The following WDR47 variants were observed in gnomAD, a reference collection of about 807,000 sequenced individuals.
The protein encoded by WDR47 is WD repeat-containing protein 47.
In WDR47, 32 loss-of-function variants were observed where a neutral mutation model predicts 97.2. The observed-to-expected ratio is 0.33, with a 90% confidence interval of 0.25 to 0.44. The LOEUF (loss-of-function observed/expected upper bound fraction) is 0.44. Among genes scored for constraint, WDR47 ranks in the 20% least tolerant of loss-of-function variants. The probability of loss-of-function intolerance (pLI) is 1.00; values close to 1 mark genes in which losing one functional copy is unlikely to be tolerated. For synonymous variants in WDR47, 375 were observed against 373.5 expected (o/e 1.00, Z -0.05); for missense variants, 782 against 1,102.3 (o/e 0.71, Z 4.11).
chr1:108,984,249 G>C (rs1294664210), intron 10 of WDR47, among the ~76,000 whole-genome samples: 1 of 151,974 alleles, frequency 6.6e-6, no homozygotes, highest in African/African-American at 2.4e-5. Context: ...GGCTTAGTGG[G>C]GTAACAGCAT....
At chr1:108,992,990 A>G (rs1199105944) in intron 8 of WDR47, among the ~76,000 whole-genome samples, 1 of 152,168 alleles carries the variant, frequency 6.6e-6, no homozygotes, top group Non-Finnish European at 1.5e-5. Context: ...AGAATAAGGA[A>G]AAATAGAATC....
chr1:109,010,735 A>G (rs1377610690), intron 5 of WDR47, among the ~76,000 whole-genome samples, 181 bp downstream of exon 5: 2 of 151,916 alleles, frequency 1.3e-5, no homozygotes, highest in African/African-American at 4.8e-5. Context: ...GGCACCTGCC[A>G]CCACGCCCAG....
intron 11 of WDR47, among the ~76,000 whole-genome samples, chr1:108,983,037 G>A (rs1658467484): frequency 6.6e-6 from 1 of 152,028 alleles, no homozygotes; most frequent in African/African-American, 2.4e-5. Flanking sequence ...ACATCTGGTA[G>A]CTATTTAAAG....
rs181704884 is a variant in WDR47 at position 109,027,081 on chromosome 1, G to T, written c.-9-3560C>A. Among the ~76,000 whole-genome samples the T allele has an allele frequency of 5.9e-5, 9 of 151,644 alleles. No homozygotes were observed. The East Asian group carries it at 1.7e-3, about 29-fold the overall frequency. On this transcript the variant is annotated intron_variant, in intron 1 of 14. Coordinates refer to ENST00000369962, the MANE Select transcript of WDR47 (RefSeq NM_001142551.2). Reference sequence around the variant, plus strand: ...CACAGAATTTTTTTTTTTTAAGGCAGAGTCTCCCTCTGTTGCCCGGGCTGG... The same window carrying T: ...CACAGAATTTTTTTTTTTTAAGGCATAGTCTCCCTCTGTTGCCCGGGCTGG...
In WDR47 at chr1:109,011,355, G is replaced by C. The variant is rs1557945793; in HGVS notation, c.691C>G (p.Leu231Val). The part of the protein sequence containing the change: ...TESEVLLGID[L>V]LCGNGCDDLD... Reference sequence around the variant, plus strand: ...TCATCACAACCATTACCACATAAGAGGTCGATGCCAAGAAGCACTTCGCTT... The same window carrying C: ...TCATCACAACCATTACCACATAAGACGTCGATGCCAAGAAGCACTTCGCTT... Residue 231 changes from leucine to valine, a missense_variant, in exon 5 of 15, where the codon CTC becomes GTC. Transcript: ENST00000369962. 2 of 1,614,168 alleles carry C rather than the reference G, an allele frequency of 1.2e-6. No homozygotes were observed. Among genetic ancestry groups the C allele is most frequent in the Non-Finnish European group, 1.7e-6 (2 of 1,180,046 alleles).
chr1:108,974,263 A>T (rs942564976), intron 14 of WDR47, among the ~76,000 whole-genome samples: 1 of 151,848 alleles, frequency 6.6e-6, no homozygotes, highest in Non-Finnish European at 1.5e-5. Flanking sequence ...ACGAAGGCGG[A>T]TGGATCACTT....
rs1162485944 is a variant in WDR47, at chr1:108,995,600, T to A, written c.1671A>T (p.Glu557Asp). ...GSTNHIPFLE[E>D]SPCGSQISSE... ...CTTACATTTGGCTTCCACAAGGTGA[T>A]TCCTCCAGAAAAGGTATGTGATTTG... Residue 557 changes from glutamate (E) to aspartate (D), a missense_variant, in exon 8 of 15, where the codon GAA (glutamate) becomes GAT (aspartate). Around this residue, in one of 3 missense-constraint regions of WDR47, gnomAD observed 126 missense variants for 121.3 expected, o/e 1.04. Coordinates refer to ENST00000369962, the MANE Select transcript of WDR47 (RefSeq NM_001142551.2). 6.2e-7 allele frequency: 1 copy of A among 1,614,022 alleles called. No individual in the cohort carries two copies. The highest frequency in any genetic ancestry group is 8.5e-7 in the Non-Finnish European group (1 of 1,179,992).
At chr1:109,004,237 C>G (rs1453352517) in intron 6 of WDR47, among the ~76,000 whole-genome samples, 1 of 151,730 alleles carries the variant, frequency 6.6e-6, no homozygotes, top group Non-Finnish European at 1.5e-5. Context: ...TGCACTCCAG[C>G]CTGGGCGACA....
rs777931620 is a variant in WDR47, at chr1:109,011,506, C to T, written c.540G>A (p.Arg180=). ...CCTTAAAACCAGCTTCACTTAGCTT[C>T]CTATCAGCAGGGATGAATTCTGCAA... is the stretch of plus-strand genomic sequence containing the variant. ...VMVAEFIPAD[R]KLSEAGFKAS... is the part of the protein sequence containing the mutation. Residue 180 remains arginine, a synonymous_variant, in exon 5 of 15, where the codon AGG becomes AGA. Transcript: ENST00000369962. The T allele has an allele frequency of 2.5e-6, 4 of 1,614,200 alleles. No individual in the cohort carries two copies. The East Asian group carries it at 8.9e-5, about 36-fold the overall frequency.
At chr1:108,981,959 A>C in intron 12 of WDR47, 95 bp from the exon 13 acceptor site, 3 of 1,383,424 alleles carry the variant, frequency 2.2e-6, no homozygotes, top group Non-Finnish European at 2.9e-6. Flanking sequence ...AAGGTGGCTC[A>C]TGCCTATAAT....
intron 8 of WDR47, 51 bp downstream of exon 8, chr1:108,995,529 A>T (rs1402879966): frequency 6.3e-7 from 1 of 1,595,936 alleles, no homozygotes; most frequent in Admixed American, 1.7e-5. Context: ...CAACCTTCTA[A>T]CCATTAGTAG....
intron 6 of WDR47, among the ~76,000 whole-genome samples, chr1:109,002,759 G>A (rs1000841143): frequency 6.6e-6 from 1 of 151,990 alleles, no homozygotes; most frequent in Non-Finnish European, 1.5e-5. Flanking sequence ...CCATACTGAG[G>A]GACTGCATTA....
At chr1:108,995,144 G>C (rs574805803) in intron 8 of WDR47, among the ~76,000 whole-genome samples, 1 of 152,326 alleles carries the variant, frequency 6.6e-6, no homozygotes, top group South Asian at 2.1e-4. Context: ...TAAATATGCA[G>C]TCTTCCACTG....
At chr1:109,024,117 GGT>G (rs1266076992) in intron 1 of WDR47, among the ~76,000 whole-genome samples, 4 of 152,090 alleles carry the variant, frequency 2.6e-5, no homozygotes, top group African/African-American at 9.7e-5. Context: ...ATGATGACCT[GGT>G]CAGTACAGCG....
chr1:109,023,660 C>CAA (rs1662006398), intron 1 of WDR47, 139 bp from the exon 2 acceptor site: 1 of 827,470 alleles, frequency 1.2e-6, no homozygotes, highest in Non-Finnish European at 1.8e-6. Flanking sequence ...TAGTATTTAT[C>CAA]AAAACCAAGT....
intron 1 of WDR47, among the ~76,000 whole-genome samples, chr1:109,041,347 T>G (rs1663349599): frequency 2.0e-5 from 3 of 152,036 alleles, no homozygotes; most frequent in Non-Finnish European, 4.4e-5. Context: ...CGACCATTGA[T>G]GTGAGAAAGG....
At chr1:109,005,455 A>G (rs1486324435) in intron 5 of WDR47, among the ~76,000 whole-genome samples, 1 of 152,138 alleles carries the variant, frequency 6.6e-6, no homozygotes, top group Non-Finnish European at 1.5e-5. Flanking sequence ...TAAACTGTAC[A>G]CAAATCGATT....
chr1:109,003,990 C>T (rs898210665), intron 6 of WDR47, among the ~76,000 whole-genome samples: 2 of 151,962 alleles, frequency 1.3e-5, no homozygotes. Flanking sequence ...GCCGGCCGGG[C>T]GCGGTGGCTC....
chr1:109,002,214 G>C lies in WDR47; in HGVS notation c.1433+10C>G. On this transcript the variant is annotated intron_variant, in intron 7 of 14. Coordinates refer to ENST00000369962, the MANE Select transcript of WDR47 (RefSeq NM_001142551.2). ...AACTCCATATTTTAAAAAGTGATTA[G>C]AAGACCAACCTATTAAGGAACTGTT... 6.4e-7 allele frequency: 1 copy of C among 1,553,608 alleles called. No homozygotes were observed. Among genetic ancestry groups the C allele is most frequent in the Non-Finnish European group, 8.6e-7 (1 of 1,156,126 alleles).
Sources: gnomAD v4.1 joint callset for allele counts (sites outside exome capture counted in the v4.1 genomes callset) on GRCh38, gnomAD v4.1.1 for gene constraint, gnomAD v4.1.1 regional missense constraint, MANE v1.5 for transcripts, NCBI Gene and HGNC (gene_info 2026-07-23, HGNC 2026-07-21) for gene names.